RNGTT: variants seen among roughly 807,000 people sequenced by gnomAD.
RNGTT encodes mRNA-capping enzyme.
In RNGTT, 33 loss-of-function variants were observed where a neutral mutation model predicts 79.3. The observed-to-expected ratio is 0.42, with a 90% CI of 0.32 to 0.56. RNGTT has a LOEUF of 0.56. RNGTT is among the 20% of genes least tolerant of loss of function. The pLI is 0.17. For missense variants in RNGTT, 497 were observed against 739.1 expected (o/e 0.67, Z 3.80); for synonymous variants, 222 against 235.9 (o/e 0.94, Z 0.54).
At chr6:88,679,425 G>C (rs565385810) in intron 13 of RNGTT, among the ~76,000 whole-genome samples, 2 of 152,272 alleles carry the variant, frequency 1.3e-5, no homozygotes, top group East Asian at 3.9e-4. Flanking sequence ...AATTTAGTTG[G>C]AGATGAGAAC....
At chr6:88,784,585 G>A (rs1779168696) in intron 12 of RNGTT, among the ~76,000 whole-genome samples, 1 of 152,094 alleles carries the variant, frequency 6.6e-6, no homozygotes, top group Non-Finnish European at 1.5e-5. Context: ...CTTACAGAAT[G>A]AATTGGTCTG....
chr6:88,945,443 G>A (rs748787344), intron 1 of RNGTT, among the ~76,000 whole-genome samples: 32 of 152,246 alleles, frequency 2.1e-4, no homozygotes, highest in Admixed American at 3.3e-4. Context: ...AAACTCTCCT[G>A]CCTTACATGA....
At chr6:88,716,751 G>T (rs1181482013) in intron 13 of RNGTT, among the ~76,000 whole-genome samples, 3 of 152,132 alleles carry the variant, frequency 2.0e-5, no homozygotes, top group African/African-American at 7.2e-5. Flanking sequence ...CTCACTCATA[G>T]ATGGGAACTG....
intron 4 of RNGTT, 73 bp from the exon 5 acceptor site, chr6:88,906,513 C>A: frequency 2.5e-6 from 2 of 813,236 alleles, no homozygotes; most frequent in South Asian, 2.0e-5. Flanking sequence ...AAATTCCAAC[C>A]TGCAATCAAA....
At chr6:88,658,656 G>C (rs959987335) in intron 14 of RNGTT, among the ~76,000 whole-genome samples, 1 of 152,236 alleles carries the variant, frequency 6.6e-6, no homozygotes, top group Non-Finnish European at 1.5e-5. Context: ...ATTTGAGTCT[G>C]TGGACTGGGA....
chr6:88,877,310 A>G (rs4296868), intron 8 of RNGTT, among the ~76,000 whole-genome samples: 82,671 of 152,082 alleles, frequency 0.54, 23,778 homozygotes, highest in African/African-American at 0.73. Context: ...AAATTCTCAG[A>G]TATGTTCTTA....
At chr6:88,797,024 C>T (rs1354935636) in intron 12 of RNGTT, among the ~76,000 whole-genome samples, 1 of 152,146 alleles carries the variant, frequency 6.6e-6, no homozygotes, top group African/African-American at 2.4e-5. Context: ...ATTGCAAACA[C>T]ATTAATTTTC....
chr6:88,828,754 C>T (rs1033946007), intron 11 of RNGTT, among the ~76,000 whole-genome samples: 9 of 151,558 alleles, frequency 5.9e-5, no homozygotes, highest in African/African-American at 2.2e-4. Context: ...CAAATATCAA[C>T]AGCCGAATCT....
At chr6:88,821,476 AAAG>A (rs1780494683) in intron 11 of RNGTT, among the ~76,000 whole-genome samples, 1 of 152,110 alleles carries the variant, frequency 6.6e-6, no homozygotes, top group Non-Finnish European at 1.5e-5. Context: ...AATAATACAA[AAAG>A]AAGAACAAAG....
intron 1 of RNGTT, among the ~76,000 whole-genome samples, chr6:88,953,512 AG>A (rs1415938449): frequency 2.0e-5 from 3 of 152,230 alleles, no homozygotes; most frequent in African/African-American, 7.2e-5. Flanking sequence ...GGTGTTCCTG[AG>A]GAAGAAGAGA....
At chr6:88,651,526 A>G (rs768290052) in intron 14 of RNGTT, among the ~76,000 whole-genome samples, 11 of 152,098 alleles carry the variant, frequency 7.2e-5, no homozygotes, top group Non-Finnish European at 1.6e-4. Flanking sequence ...AGTTAAAAAC[A>G]TAATTATTCA....
chr6:88,805,158 A>G (rs1246611940), intron 11 of RNGTT, among the ~76,000 whole-genome samples: 7 of 152,230 alleles, frequency 4.6e-5, no homozygotes, highest in African/African-American at 1.7e-4. Context: ...AGGCAACCAA[A>G]TAAACTGAAT....
intron 11 of RNGTT, among the ~76,000 whole-genome samples, chr6:88,836,023 C>CACACACAT (rs1554222128): frequency 3.0e-4 from 28 of 92,070 alleles, no homozygotes; most frequent in African/African-American, 8.1e-4. Flanking sequence ...CACACACACA[C>CACACACAT]ATATATATAT....
intron 8 of RNGTT, among the ~76,000 whole-genome samples, chr6:88,861,642 G>A (rs754648893): frequency 1.3e-4 from 19 of 151,854 alleles, no homozygotes; most frequent in East Asian, 3.9e-4. Flanking sequence ...ATGAACCAAC[G>A]AAAACTCTGA....
At chr6:88,907,928 T>C (rs1026942525) in intron 4 of RNGTT, among the ~76,000 whole-genome samples, 2 of 151,776 alleles carry the variant, frequency 1.3e-5, no homozygotes, top group Admixed American at 6.6e-5. Context: ...AAAGACAGGG[T>C]CTCATTATGT....
chr6:88,919,909 C>T (rs1215311999), intron 4 of RNGTT, among the ~76,000 whole-genome samples: 1 of 151,972 alleles, frequency 6.6e-6, no homozygotes. Context: ...AGGCTGGTCT[C>T]AAACTCTGAC....
At chr6:88,665,649 T>C (rs1000420132) in intron 14 of RNGTT, among the ~76,000 whole-genome samples, 1 of 152,224 alleles carries the variant, frequency 6.6e-6, no homozygotes, top group Non-Finnish European at 1.5e-5. Flanking sequence ...TGCCTTTCAG[T>C]GGGAGGATCC....
intron 6 of RNGTT, among the ~76,000 whole-genome samples, chr6:88,901,819 A>G (rs1783478937): frequency 6.6e-6 from 1 of 152,140 alleles, no homozygotes; most frequent in South Asian, 2.1e-4. Flanking sequence ...TTTTATACTC[A>G]GAAAAAACAT....
chr6:88,878,006 C>A (rs1005996002), intron 8 of RNGTT, among the ~76,000 whole-genome samples: 4 of 152,036 alleles, frequency 2.6e-5, no homozygotes, highest in African/African-American at 9.7e-5. Context: ...TTAACTGAGT[C>A]CTAAAATTAG....
Sources: allele counts gnomAD v4.1 joint callset (sites outside exome capture counted in the v4.1 genomes callset), GRCh38; gene constraint gnomAD v4.1.1; transcripts MANE v1.5; gene names NCBI Gene and HGNC (gene_info 2026-07-23, HGNC 2026-07-21).